The following SPRED3 variants were observed in gnomAD, a reference collection of about 807,000 sequenced individuals.
SPRED3 encodes sprouty related EVH1 domain containing 3, also known as sprouty-related, EVH1 domain-containing protein 3.
SPRED3 carries 23 observed loss-of-function variants against 37.6 expected under a neutral mutation model. The ratio of observed to expected loss-of-function variants is 0.61; its 90% CI spans 0.44 to 0.87. The LOEUF is 0.87. Ranked by LOEUF, SPRED3 falls within the 40% of genes least tolerant of loss-of-function variation. SPRED3 has a pLI of 0.00. For missense variants in SPRED3, 584 were observed against 618.6 expected (o/e 0.94, Z 0.59); for synonymous variants, 302 against 279.6 (o/e 1.08, Z -0.80).
chr19:38,392,108 G>T lies in SPRED3; in HGVS notation c.340G>T (p.Gly114Cys), dbSNP rs1367878906. 3.1e-6 allele frequency: 5 copies of T among 1,614,132 alleles called. No individual in the cohort carries two copies. The highest frequency in any genetic ancestry group is 4.2e-6 in the Non-Finnish European group (5 of 1,180,012). ...KSLLAALAALGRGSLTPSSSS... is the reference protein window; with the variant it reads ...KSLLAALAALCRGSLTPSSSS... ...CCTGCTGGCTGCGCTGGCCGCACTG[G>T]GTCGAGGTGAGCAGCCCAGGTGATG... The change falls in exon 3 of 6, where the codon GGT becomes TGT. Residue 114 changes from glycine to cysteine, a missense_variant. This residue lies in a region of SPRED3 where 310 missense variants were observed against 281.1 expected (regional missense o/e 1.10). Transcript: ENST00000691638.
Position 38,390,491 on chromosome 19 carries a change from TG to T in SPRED3, c.177+16del. 1.7e-6 allele frequency: 2 copies of T among 1,187,862 alleles called. No individual in the cohort carries two copies. Among genetic ancestry groups the T allele is most frequent in the Non-Finnish European group, 2.1e-6 (2 of 942,658 alleles). 73.6% of individuals were successfully genotyped at this position (1,187,862 alleles called of 1,614,324 possible). ...TCCGGGACCAGAAAGTGAGCCACCC[TG>T]GGGCATGCGGGGAGGGTAGGGACCT... On this transcript the variant is annotated intron_variant, in intron 2 of 5. Transcript: ENST00000691638.
chr19:38,394,762 C>A lies in SPRED3; in HGVS notation c.543C>A (p.Pro181=). 6.3e-7 allele frequency: 1 copy of A among 1,576,206 alleles called. No homozygotes were observed. ...CAGGCTTCGGGCCGACCACGCCCCC[C>A]CAGCGCCGCCGCTCCTCCGCTCAGG... The part of the protein sequence containing the change: ...SASGFGPTTP[P]QRRRSSAQSY... Residue 181 remains proline, a synonymous_variant, in exon 5 of 6, where the codon CCC becomes CCA. Transcript: ENST00000691638.
intron 4 of SPRED3, among the ~76,000 whole-genome samples, chr19:38,393,167 T>C (rs1276997273): frequency 1.3e-5 from 2 of 152,150 alleles, no homozygotes; most frequent in African/African-American, 4.8e-5. Flanking sequence ...TGTGGCTCAT[T>C]CCCTTGTTTC....
rs1036045486 is a variant in SPRED3 at position 38,398,558 on chromosome 19, G to A, written c.*2413G>A. 3 of 152,222 alleles carry A rather than the reference G, an allele frequency of 2.0e-5. No homozygotes were observed. The highest frequency in any genetic ancestry group is 4.4e-5 in the Non-Finnish European group (3 of 68,048). 9.4% of individuals were successfully genotyped at this position (152,222 alleles called of 1,614,324 possible). A position where few individuals can be genotyped will look rare whatever the true frequency, so the allele number is the denominator to read the frequency against. ...GCTCTCTTCCACTTTAGAGTGAGAA[G>A]TTGCTTCAGGAAGTTTGAAAGCCTG... On this transcript the variant is annotated 3_prime_UTR_variant, in exon 6 of 6. Transcript: ENST00000691638.
In SPRED3 at chr19:38,394,780, C is replaced by A. The variant is rs974599491; in HGVS notation, c.561C>A (p.Ser187=). 7 of 1,564,792 alleles carry A rather than the reference C, an allele frequency of 4.5e-6. No individual in the cohort carries two copies. The Admixed American group carries it at 7.5e-5, about 17-fold the overall frequency. ...PTTPPQRRRS[S]AQSYPPLLPF... ...CGCCCCCCCAGCGCCGCCGCTCCTC[C>A]GCTCAGGTGCGACCTGGGAGCCTGG... is the stretch of plus-strand genomic sequence containing the variant. Residue 187 remains serine (S), a synonymous_variant, in exon 5 of 6, where the codon TCC becomes TCA. Transcript: ENST00000691638.
intron 5 of SPRED3, 64 bp downstream of exon 5, chr19:38,394,850 C>T (rs1349164061): frequency 7.5e-6 from 11 of 1,457,084 alleles, no homozygotes; most frequent in Non-Finnish European, 9.9e-6. Flanking sequence ...CCGAAGGGAG[C>T]GGGAGCCATG....
chr19:38,394,304 G>A (rs1440101496), intron 4 of SPRED3: 1 of 1,440,406 alleles, frequency 6.9e-7, no homozygotes, highest in Admixed American at 1.8e-5. Context: ...CCTCAGGTTT[G>A]GCGAGCTGAT....
rs1970814063 is a variant in SPRED3 at position 38,390,422 on chromosome 19, G to A, written c.120G>A (p.Glu40=). Residue 40 remains glutamate (E), a synonymous_variant, in exon 2 of 6, where the codon GAG becomes GAA. Transcript: ENST00000691638. ...SVCRVRGARP[E]GGARQGHYVI... ...GTCGGGTCCGAGGGGCCAGGCCCGAGGGGGGGGCCCGCCAGGGGCACTACG... is the reference window on the plus strand; with the variant it reads ...GTCGGGTCCGAGGGGCCAGGCCCGAAGGGGGGGCCCGCCAGGGGCACTACG... The A allele has an allele frequency of 2.2e-6, 3 of 1,387,004 alleles. No individual in the cohort carries two copies. The highest frequency in any genetic ancestry group is 2.8e-6 in the Non-Finnish European group (3 of 1,066,242). 85.9% of individuals were successfully genotyped at this position (1,387,004 alleles called of 1,614,324 possible). A position where few individuals can be genotyped will look rare whatever the true frequency, so the allele number is the denominator to read the frequency against.
chr19:38,390,467 C>T lies in SPRED3; in HGVS notation c.165C>T (p.Leu55=). ...QGHYVIHGER[L]RDQKTTLECT... is the part of the protein sequence containing the mutation. Reference sequence around the variant, plus strand: ...ACTACGTCATCCACGGGGAACGCCTCCGGGACCAGAAAGTGAGCCACCCTG... The same window carrying T: ...ACTACGTCATCCACGGGGAACGCCTTCGGGACCAGAAAGTGAGCCACCCTG... The change falls in exon 2 of 6, where the codon CTC becomes CTT. Residue 55 remains leucine (L), a synonymous_variant. Coordinates refer to ENST00000691638, the MANE Select transcript of SPRED3 (RefSeq NM_001394336.1). 1 of 1,369,506 alleles carries T rather than the reference C, an allele frequency of 7.3e-7. No individual in the cohort carries two copies. The highest frequency in any genetic ancestry group is 9.5e-7 in the Non-Finnish European group (1 of 1,057,900). The allele number at this position is 1,369,506 out of a possible 1,614,324, so 84.8% of individuals were successfully genotyped here.
At chr19:38,391,796 A>T (rs1600514457) in intron 2 of SPRED3, 150 bp from the exon 3 acceptor site, 2 of 864,950 alleles carry the variant, frequency 2.3e-6, no homozygotes, top group East Asian at 2.5e-5. Flanking sequence ...GAGTCGTATC[A>T]GTGTTGATCA....
chr19:38,388,912 AG>A (rs1456455839), intron 1 of SPRED3, 105 bp downstream of exon 1: 1 of 393,996 alleles, frequency 2.5e-6, no homozygotes, highest in Non-Finnish European at 4.5e-6. Flanking sequence ...GGCGCCCCCA[AG>A]GCCCCGGCTA....
rs1010812598 is a variant in SPRED3 at position 38,390,461 on chromosome 19, A to G, written c.159A>G (p.Glu53=). 3.1e-6 allele frequency: 4 copies of G among 1,305,072 alleles called. No homozygotes were observed. Among genetic ancestry groups the G allele is most frequent in the Non-Finnish European group, 3.9e-6 (4 of 1,019,038 alleles). 80.8% of individuals were successfully genotyped at this position (1,305,072 alleles called of 1,614,324 possible). Residue 53 remains glutamate, a synonymous_variant, in exon 2 of 6, where the codon GAA becomes GAG. Coordinates refer to ENST00000691638, the MANE Select transcript of SPRED3 (RefSeq NM_001394336.1). ...AGGGGCACTACGTCATCCACGGGGA[A>G]CGCCTCCGGGACCAGAAAGTGAGCC... ...ARQGHYVIHG[E]RLRDQKTTLE...
At chr19:38,389,072 TC>T (rs1418076367) in intron 1 of SPRED3, among the ~76,000 whole-genome samples, 1 of 152,038 alleles carries the variant, frequency 6.6e-6, no homozygotes, top group Non-Finnish European at 1.5e-5. Context: ...TGAGGACCAC[TC>T]CCCCCGGGGG....
chr19:38,392,163 G>GAGA, intron 3 of SPRED3, 49 bp downstream of exon 3: 2 of 1,608,496 alleles, frequency 1.2e-6, no homozygotes, highest in Non-Finnish European at 8.5e-7. Context: ...GGAGCGGGAG[G>GAGA]AGAAGCTGGG....
At chr19:38,389,526 AT>A (rs1345750046) in intron 1 of SPRED3, 1 of 152,032 alleles carries the variant, frequency 6.6e-6, no homozygotes, top group Admixed American at 6.6e-5. Context: ...GGAAGGATCA[AT>A]CTGCCCCCCC....
chr19:38,390,001 A>C, intron 1 of SPRED3: 1 of 252,394 alleles, frequency 4.0e-6, no homozygotes. Flanking sequence ...GGGAAGGGCA[A>C]CACCAGGGCT....
rs115520294 is a variant in SPRED3, at chr19:38,396,430, T to C, written c.*285T>C. Reference sequence around the variant, plus strand: ...GGAGGCTCCAGGCGTCCCCATACTTTGCATCTCAGAAAGGCCAGGGAGCAC... The same window carrying C: ...GGAGGCTCCAGGCGTCCCCATACTTCGCATCTCAGAAAGGCCAGGGAGCAC... On this transcript the variant is annotated 3_prime_UTR_variant, in exon 6 of 6. Coordinates refer to ENST00000691638, the MANE Select transcript of SPRED3 (RefSeq NM_001394336.1). The C allele has an allele frequency of 5.5e-3, 1,464 of 264,792 alleles. 21 individuals are homozygous for C. The highest frequency in any genetic ancestry group is 0.029 in the African/African-American group (1,313 of 44,612). The allele number at this position is 264,792 out of a possible 1,614,324, so 16.4% of individuals were successfully genotyped here.
chr19:38,390,455 C>G lies in SPRED3; in HGVS notation c.153C>G (p.His51Gln). The change falls in exon 2 of 6, where the codon CAC becomes CAG. Residue 51 changes from histidine to glutamine, a missense_variant. By Grantham distance (24) the His-to-Gln change is conservative. Coordinates refer to ENST00000691638, the MANE Select transcript of SPRED3 (RefSeq NM_001394336.1). ...GGARQGHYVI[H>Q]GERLRDQKTT... Reference sequence around the variant, plus strand: ...CCCGCCAGGGGCACTACGTCATCCACGGGGAACGCCTCCGGGACCAGAAAG... The same window carrying G: ...CCCGCCAGGGGCACTACGTCATCCAGGGGGAACGCCTCCGGGACCAGAAAG... 1 of 1,247,120 alleles carries G rather than the reference C, an allele frequency of 8.0e-7. No homozygotes were observed. The highest frequency in any genetic ancestry group is 1.9e-5 in the South Asian group (1 of 51,734). 77.3% of individuals were successfully genotyped at this position (1,247,120 alleles called of 1,614,324 possible).
At chr19:38,393,894 A>G (rs1470004866) in intron 4 of SPRED3, among the ~76,000 whole-genome samples, 1 of 152,122 alleles carries the variant, frequency 6.6e-6, no homozygotes, top group Non-Finnish European at 1.5e-5. Context: ...AGAAAAGGGG[A>G]GGGTTCCAGG....
Sources: allele counts gnomAD v4.1 joint callset (sites outside exome capture counted in the v4.1 genomes callset), GRCh38; gene constraint gnomAD v4.1.1; regional missense constraint gnomAD v4.1.1; transcripts MANE v1.5; gene names NCBI Gene and HGNC (gene_info 2026-07-23, HGNC 2026-07-21).